ABCE1: variants seen among roughly 807,000 people sequenced by gnomAD.
ABCE1 encodes ATP-binding cassette sub-family E member 1.
Under a neutral mutation model 83.4 loss-of-function variants are expected in ABCE1, and 22 were observed. The observed-to-expected ratio is 0.26, with a 90% CI of 0.19 to 0.38. The LOEUF is 0.38. Ranked by LOEUF, ABCE1 falls within the 10% of genes least tolerant of loss-of-function variation. ABCE1 has a pLI of 1.00. For missense variants in ABCE1, 330 were observed against 721.9 expected (o/e 0.46, Z 6.22); for synonymous variants, 204 against 233.7 (o/e 0.87, Z 1.16).
chr4:145,119,833 C>T, intron 10 of ABCE1, 99 bp from the exon 11 acceptor site: 1 of 794,660 alleles, frequency 1.3e-6, no homozygotes, highest in Non-Finnish European at 2.0e-6. Context: ...AGCAAAAATC[C>T]ACAGAAATTT....
intron 1 of ABCE1, among the ~76,000 whole-genome samples, chr4:145,099,824 T>G (rs1403549667): frequency 2.0e-5 from 3 of 152,244 alleles, no homozygotes; most frequent in African/African-American, 4.8e-5. Context: ...TAAATGCTTC[T>G]AAGTATTCCT....
chr4:145,121,193 T>C lies in ABCE1; in HGVS notation c.1164T>C (p.Phe388=). 1 of 1,613,682 alleles carries C rather than the reference T, an allele frequency of 6.2e-7. No individual in the cohort carries two copies. Among genetic ancestry groups the C allele is most frequent in the African/African-American group, 1.3e-5 (1 of 75,038 alleles). Reference sequence around the variant, plus strand: ...TGCCAGGAACGGGTAAAACGACATTTATCAGAATGCTTGCTGGAAGACTTA... The same window carrying C: ...TGCCAGGAACGGGTAAAACGACATTCATCAGAATGCTTGCTGGAAGACTTA... ...LGENGTGKTT[F]IRMLAGRLKP... Residue 388 remains phenylalanine, a synonymous_variant, in exon 12 of 18, where the codon TTT becomes TTC. Coordinates refer to ENST00000296577, the MANE Select transcript of ABCE1 (RefSeq NM_002940.3).
intron 10 of ABCE1, among the ~76,000 whole-genome samples, chr4:145,119,378 G>A (rs1749682765): frequency 6.6e-6 from 1 of 151,750 alleles, no homozygotes; most frequent in African/African-American, 2.4e-5. Context: ...AATCTGTTTA[G>A]ATAATGGTTG....
Position 145,112,324 on chromosome 4 carries a change from G to A in ABCE1, c.796G>A (p.Asp266Asn), listed in dbSNP as rs779564348. ...TACTATACGATCTCTAATAAATCCA[G>A]ATAGGTAAGTAGAGATCTGGCATAT... The part of the protein sequence containing the change: ...AITIRSLINP[D>N]RYIIVVEHDL... The change falls in exon 9 of 18, where the codon GAT becomes AAT. Residue 266 changes from aspartate to asparagine, a missense_variant. Coordinates refer to ENST00000296577, the MANE Select transcript of ABCE1 (RefSeq NM_002940.3). The A allele has an allele frequency of 1.3e-6, 2 of 1,571,456 alleles. No individual in the cohort carries two copies. Among genetic ancestry groups the A allele is most frequent in the Admixed American group, 3.7e-5 (2 of 54,240 alleles).
chr4:145,115,943 A>C (rs1385469294), intron 9 of ABCE1, among the ~76,000 whole-genome samples: 1 of 151,984 alleles, frequency 6.6e-6, no homozygotes, highest in Non-Finnish European at 1.5e-5. Flanking sequence ...GGTAATCAAA[A>C]ATAATAAAAG....
chr4:145,118,396 A>ATGTT (rs748506970), intron 10 of ABCE1, among the ~76,000 whole-genome samples: 3 of 151,654 alleles, frequency 2.0e-5, no homozygotes, highest in Admixed American at 1.3e-4. Context: ...AAATATTAAG[A>ATGTT]TGTGGGGAAG....
rs192599085 is a variant in ABCE1, at chr4:145,100,630, A to G, written c.-28+2211A>G. On this transcript the variant is annotated intron_variant, in intron 1 of 17. Transcript: ENST00000296577. ...TTTTTTGTGACAATTCAAGCCATCT[A>G]ATTTCTTCCTCTTCTAATCTTTACA... Among the ~76,000 whole-genome samples the G allele has an allele frequency of 3.8e-4, 58 of 152,282 alleles. 1 individual carries two copies. Among genetic ancestry groups the G allele is most frequent in the Admixed American group, 3.7e-3 (56 of 15,300 alleles).
rs1454870531 is a variant in ABCE1, at chr4:145,128,569, A to G, written c.*996A>G. The G allele has an allele frequency of 6.6e-6, 1 of 152,184 alleles. No homozygotes were observed. The highest frequency in any genetic ancestry group is 1.5e-5 in the Non-Finnish European group (1 of 68,028). The allele number at this position is 152,184 out of a possible 1,614,324, so 9.4% of individuals were successfully genotyped here. A position where few individuals can be genotyped will look rare whatever the true frequency, so the allele number is the denominator to read the frequency against. On this transcript the variant is annotated 3_prime_UTR_variant, in exon 18 of 18. Transcript: ENST00000296577. ...CACATATATTCATTTGTGAGTTTGG[A>G]TATAGAGCACATTATCTAAACCATT...
At chr4:145,116,266 T>A (rs1352074073) in intron 9 of ABCE1, among the ~76,000 whole-genome samples, 1 of 151,916 alleles carries the variant, frequency 6.6e-6, no homozygotes, top group Non-Finnish European at 1.5e-5. Context: ...CTAATTAATT[T>A]AAGTGATTAA....
chr4:145,127,468 C>G, intron 17 of ABCE1, 58 bp from the exon 18 acceptor site: 1 of 1,479,692 alleles, frequency 6.8e-7, no homozygotes, highest in Non-Finnish European at 9.3e-7. Context: ...TGAAAGTCTA[C>G]TTTTACCTAT....
At chr4:145,108,884 T>C (rs1749384918) in intron 4 of ABCE1, among the ~76,000 whole-genome samples, 1 of 151,890 alleles carries the variant, frequency 6.6e-6, no homozygotes, top group African/African-American at 2.4e-5. Context: ...ATAAAACTTG[T>C]AGTAATGTTG....
intron 7 of ABCE1, 119 bp downstream of exon 7, chr4:145,110,563 C>CCT: frequency 1.0e-6 from 1 of 965,584 alleles, no homozygotes; most frequent in Non-Finnish European, 1.6e-6. Flanking sequence ...ACAACCTCTG[C>CCT]CTCCCGGGTT....
chr4:145,111,193 A>C (rs1307904598), intron 8 of ABCE1, 129 bp downstream of exon 8: 1 of 572,984 alleles, frequency 1.7e-6, no homozygotes. Flanking sequence ...ATTTCGAGGT[A>C]AGATGTTGAA....
intron 4 of ABCE1, 21 bp from the exon 5 acceptor site, chr4:145,109,111 A>G (rs1749391268): frequency 6.5e-7 from 1 of 1,531,664 alleles, no homozygotes; most frequent in Admixed American, 1.8e-5. Context: ...TTGTTTTATT[A>G]TTTTTGTATA....
intron 7 of ABCE1, chr4:145,110,717 C>A (rs1472627610): frequency 1.8e-6 from 1 of 545,500 alleles, no homozygotes. Context: ...CTGCCTCAGC[C>A]TCCCAAAGTG....
chr4:145,104,110 T>G (rs749651759), intron 1 of ABCE1, among the ~76,000 whole-genome samples: 9 of 152,154 alleles, frequency 5.9e-5, no homozygotes, highest in Non-Finnish European at 8.8e-5. Context: ...TTGAGTATAT[T>G]CCTAGATATT....
rs1246063004 is a variant in ABCE1, at chr4:145,105,046, ATAGAATTACTGACTCT to A, written c.103+544_104-531del. Among the ~76,000 whole-genome samples, 11 of 152,182 alleles carry A rather than the reference ATAGAATTACTGACTCT, an allele frequency of 7.2e-5. No individual in the cohort carries two copies. In the East Asian group the frequency reaches 1.9e-3, roughly 27 times the overall value. Reference sequence around the variant, plus strand: ...GTAATTGTGAATATACGAATGAGGCATAGAATTACTGACTCTTAGAATTACTGAAACTTAGAAACTT... The same window carrying A: ...GTAATTGTGAATATACGAATGAGGCATAGAATTACTGAAACTTAGAAACTT... On this transcript the variant is annotated intron_variant, in intron 2 of 17. Coordinates refer to ENST00000296577, the MANE Select transcript of ABCE1 (RefSeq NM_002940.3).
At chr4:145,123,827 G>A (rs893001098) in intron 16 of ABCE1, 1 of 316,964 alleles carries the variant, frequency 3.2e-6, no homozygotes, top group Non-Finnish European at 5.8e-6. Context: ...GTAGGCCACA[G>A]CATAAAAAGC....
Position 145,111,032 on chromosome 4 carries a change from T to G in ABCE1, c.678T>G (p.Ala226=), listed in dbSNP as rs1372170768. 2 of 1,612,582 alleles carry G rather than the reference T, an allele frequency of 1.2e-6. No homozygotes were observed. The highest frequency in any genetic ancestry group is 8.5e-7 in the Non-Finnish European group (1 of 1,179,490). Residue 226 remains alanine, a synonymous_variant, in exon 8 of 18, where the codon GCT becomes GCG. Coordinates refer to ENST00000296577, the MANE Select transcript of ABCE1 (RefSeq NM_002940.3). ...DLSGGELQRF[A]CAVVCIQKAD... ...CAGGAGGAGAGTTGCAGAGATTTGC[T>G]TGTGCTGTCGTTTGCATACAGAAAG...
Sources: gnomAD v4.1 joint callset for allele counts (sites outside exome capture counted in the v4.1 genomes callset) on GRCh38, gnomAD v4.1.1 for gene constraint, MANE v1.5 for transcripts, NCBI Gene and HGNC (gene_info 2026-07-23, HGNC 2026-07-21) for gene names.